NRXN3: variants seen among roughly 807,000 people sequenced by gnomAD.
The protein encoded by NRXN3 is neurexin 3, also known as neurexin III.
In NRXN3, 32 loss-of-function variants were observed where a neutral mutation model predicts 137.6. That is an observed-to-expected ratio of 0.23 (90% CI 0.18 to 0.31). NRXN3 has a LOEUF of 0.31. Among genes scored for constraint, NRXN3 ranks in the 10% least tolerant of loss-of-function variants. The probability of loss-of-function intolerance (pLI) is 1.00; values close to 1 mark genes in which losing one functional copy is unlikely to be tolerated. For missense variants in NRXN3, 1,574 were observed against 2,062.5 expected (o/e 0.76, Z 4.59); for synonymous variants, 798 against 784.5 (o/e 1.02, Z -0.29).
At chr14:79,472,461 A>C (rs2096522415) in intron 16 of NRXN3, among the ~76,000 whole-genome samples, 1 of 152,190 alleles carries the variant, frequency 6.6e-6, no homozygotes, top group African/African-American at 2.4e-5. Context: ...TTTGGTTCAC[A>C]TTCCATGATG....
At chr14:79,048,841 G>A (rs1225439845) in intron 15 of NRXN3, among the ~76,000 whole-genome samples, 5 of 148,818 alleles carry the variant, frequency 3.4e-5, no homozygotes, top group African/African-American at 9.9e-5. Flanking sequence ...TGGCTAACAC[G>A]GTGAAACCCC....
chr14:79,671,705 C>T (rs961692304), intron 17 of NRXN3, among the ~76,000 whole-genome samples: 1 of 151,866 alleles, frequency 6.6e-6, no homozygotes, highest in Non-Finnish European at 1.5e-5. Context: ...GAATTCCCAG[C>T]CACAGATAAA....
intron 19 of NRXN3, among the ~76,000 whole-genome samples, chr14:79,768,258 G>A (rs1296436278): frequency 2.0e-5 from 3 of 152,210 alleles, no homozygotes; most frequent in Non-Finnish European, 4.4e-5. Context: ...GCTCCAACTG[G>A]GTGGAGCCCA....
At position 78,546,543 on chromosome 14, in the gene NRXN3, G is replaced by A. The variant is rs574462528; in HGVS notation, c.758-98577G>A. 9.2e-5 allele frequency among the ~76,000 whole-genome samples: 14 copies of A among 152,058 alleles called. No homozygotes were observed. The East Asian group carries it at 1.2e-3, about 13-fold the overall frequency. ...TCACATCTTCTAATTTCCAGTCTTC[G>A]TAGAGAATGTTTTCCCCGTCCCCAC... On this transcript the variant is annotated intron_variant, in intron 4 of 20. Transcript: ENST00000335750.
intron 10 of NRXN3, among the ~76,000 whole-genome samples, chr14:78,938,560 C>A (rs1031838045): frequency 6.6e-6 from 1 of 151,818 alleles, no homozygotes; most frequent in Non-Finnish European, 1.5e-5. Context: ...AAATCTCAAC[C>A]TTTTTTTATT....
At chr14:79,281,812 A>G (rs572020244) in intron 15 of NRXN3, 3 of 152,284 alleles carry the variant, frequency 2.0e-5, no homozygotes, top group South Asian at 2.1e-4. Context: ...CTGCCCTTGT[A>G]TTTTGAAGAC....
chr14:79,568,072 A>C (rs1197733945), intron 16 of NRXN3, among the ~76,000 whole-genome samples: 1 of 152,190 alleles, frequency 6.6e-6, no homozygotes, highest in Non-Finnish European at 1.5e-5. Flanking sequence ...GAACTGAAGA[A>C]CAGAATTAGA....
At chr14:79,365,145 T>G (rs559159371) in intron 15 of NRXN3, among the ~76,000 whole-genome samples, 12 of 152,220 alleles carry the variant, frequency 7.9e-5, no homozygotes, top group African/African-American at 2.9e-4. Context: ...GTGGGTTCCT[T>G]CATGTGACAG....
At chr14:79,655,935 C>A (rs887881408) in intron 16 of NRXN3, among the ~76,000 whole-genome samples, 12 of 152,116 alleles carry the variant, frequency 7.9e-5, no homozygotes, top group Admixed American at 7.2e-4. Context: ...TGTTACTGGG[C>A]CTCACACTAG....
chr14:79,003,279 T>A (rs2099545492), intron 15 of NRXN3, among the ~76,000 whole-genome samples: 1 of 152,202 alleles, frequency 6.6e-6, no homozygotes, highest in Non-Finnish European at 1.5e-5. Flanking sequence ...GCTCTTGTCA[T>A]TGTAAGACTT....
At position 79,798,549 on chromosome 14, in the gene NRXN3, A is replaced by T. The variant is rs2099167676; in HGVS notation, c.4015-6563A>T. On this transcript the variant is annotated intron_variant, in intron 19 of 20. Transcript: ENST00000335750. ...CTTTTTCACCGGAAGAAAGGAGATC[A>T]TCATTCTTGAGTGTGTTATTTATAA... Among the ~76,000 whole-genome samples, 3 of 152,192 alleles carry T rather than the reference A, an allele frequency of 2.0e-5. No homozygotes were observed. The South Asian group carries it at 6.2e-4, about 32-fold the overall frequency.
At chr14:78,219,924 G>T (rs2063669826) in intron 1 of NRXN3, among the ~76,000 whole-genome samples, 1 of 152,096 alleles carries the variant, frequency 6.6e-6, no homozygotes, top group Non-Finnish European at 1.5e-5. Flanking sequence ...AGGTGGATGG[G>T]GATGGAGGGT....
chr14:79,822,885 A>G (rs1358755994), intron 20 of NRXN3, among the ~76,000 whole-genome samples: 1 of 152,228 alleles, frequency 6.6e-6, no homozygotes, highest in Admixed American at 6.5e-5. Context: ...GGCCAAGATC[A>G]GTTTAGAAGT....
Position 78,553,669 on chromosome 14 carries a change from C to T in NRXN3, c.758-91451C>T, listed in dbSNP as rs78867901. 8.2e-3 allele frequency among the ~76,000 whole-genome samples: 1,249 copies of T among 152,306 alleles called. 10 individuals are homozygous for T. Among genetic ancestry groups the T allele is most frequent in the Middle Eastern group, 0.014 (4 of 294 alleles). The stretch of plus-strand genomic sequence containing the variant: ...TAACGAAGTTCTAATTTTGGTAAGT[C>T]CGGGGATCTGAGGCTAGAGCTGCTT... On this transcript the variant is annotated intron_variant, in intron 4 of 20. Coordinates refer to ENST00000335750, the MANE Select transcript of NRXN3 (RefSeq NM_001330195.2).
intron 10 of NRXN3, among the ~76,000 whole-genome samples, chr14:78,925,059 T>C (rs1488422948): frequency 6.6e-6 from 1 of 152,218 alleles, no homozygotes; most frequent in African/African-American, 2.4e-5. Flanking sequence ...TCAGATTTCA[T>C]TAGACGGAGA....
At chr14:79,175,369 A>C (rs192404958) in intron 15 of NRXN3, among the ~76,000 whole-genome samples, 5 of 152,354 alleles carry the variant, frequency 3.3e-5, no homozygotes, top group Non-Finnish European at 7.3e-5. Context: ...AAAGAACAGA[A>C]GATTGAGAAT....
chr14:78,721,138 A>G (rs1180952691), intron 8 of NRXN3, among the ~76,000 whole-genome samples: 1 of 152,236 alleles, frequency 6.6e-6, no homozygotes, highest in African/African-American at 2.4e-5. Context: ...CGCACATTTT[A>G]TACCATTTTA....
intron 4 of NRXN3, among the ~76,000 whole-genome samples, chr14:78,460,082 A>C (rs965324096): frequency 2.0e-5 from 3 of 152,206 alleles, no homozygotes; most frequent in Non-Finnish European, 4.4e-5. Context: ...ATTTACATCT[A>C]CCCATTTATT....
intron 4 of NRXN3, among the ~76,000 whole-genome samples, chr14:78,353,287 TA>T (rs2083815015): frequency 6.6e-6 from 1 of 152,170 alleles, no homozygotes; most frequent in Non-Finnish European, 1.5e-5. Flanking sequence ...TTTGGGCTAC[TA>T]AAACAAAATA....
Sources: allele counts gnomAD v4.1 joint callset (sites outside exome capture counted in the v4.1 genomes callset), GRCh38; gene constraint gnomAD v4.1.1; transcripts MANE v1.5; gene names NCBI Gene and HGNC (gene_info 2026-07-23, HGNC 2026-07-21).